The following PDE4D variants were observed in gnomAD, a reference collection of about 807,000 sequenced individuals.
The protein encoded by PDE4D is 3',5'-cyclic-AMP phosphodiesterase 4D.
Under a neutral mutation model 87.4 loss-of-function variants are expected in PDE4D, and 24 were observed. The ratio of observed to expected loss-of-function variants is 0.27; its 90% CI spans 0.20 to 0.39. The LOEUF (loss-of-function observed/expected upper bound fraction) is 0.39. PDE4D is among the 10% of genes least tolerant of loss of function. The pLI is 1.00. For synonymous variants in PDE4D, 384 were observed against 383.2 expected (o/e 1.00, Z -0.02); for missense variants, 714 against 1,041.0 (o/e 0.69, Z 4.32).
intron 1 of PDE4D, among the ~76,000 whole-genome samples, chr5:59,272,809 G>T (rs1472246758): frequency 6.6e-6 from 1 of 152,100 alleles, no homozygotes; most frequent in Non-Finnish European, 1.5e-5. Context: ...TTTAAAATGT[G>T]AATATCTCAT....
intron 1 of PDE4D, among the ~76,000 whole-genome samples, chr5:59,238,043 T>C (rs1756862582): frequency 6.6e-6 from 1 of 152,110 alleles, no homozygotes; most frequent in African/African-American, 2.4e-5. Flanking sequence ...TATATGATGA[T>C]AGTTAAGAAC....
At chr5:60,419,620 A>C (rs957076548) in intron 1 of PDE4D, among the ~76,000 whole-genome samples, 1 of 152,062 alleles carries the variant, frequency 6.6e-6, no homozygotes, top group Non-Finnish European at 1.5e-5. Flanking sequence ...AAATAAAATG[A>C]TTAGAATTAC....
intron 1 of PDE4D, among the ~76,000 whole-genome samples, chr5:60,512,238 T>G (rs1750609412): frequency 6.6e-6 from 1 of 152,228 alleles, no homozygotes; most frequent in African/African-American, 2.4e-5. Flanking sequence ...ATATGCTTTT[T>G]GCATTATTTT....
At chr5:60,125,811 C>T (rs1779080225) in intron 2 of PDE4D, among the ~76,000 whole-genome samples, 1 of 152,172 alleles carries the variant, frequency 6.6e-6, no homozygotes, top group African/African-American at 2.4e-5. Flanking sequence ...GCTCAATGCT[C>T]ACCTTATCTT....
chr5:60,388,526 C>T (rs1462363592), intron 1 of PDE4D, among the ~76,000 whole-genome samples: 2 of 152,188 alleles, frequency 1.3e-5, no homozygotes, highest in Admixed American at 6.5e-5. Context: ...TATTGTTCCC[C>T]TCTCTGTGTC....
intron 1 of PDE4D, among the ~76,000 whole-genome samples, chr5:59,494,009 G>T (rs1219763717): frequency 6.6e-6 from 1 of 152,170 alleles, no homozygotes; most frequent in Non-Finnish European, 1.5e-5. Context: ...ATGATAATAA[G>T]ATAAAAACAA....
intron 1 of PDE4D, among the ~76,000 whole-genome samples, chr5:59,347,958 T>C (rs1779875156): frequency 6.6e-6 from 1 of 152,174 alleles, no homozygotes; most frequent in Non-Finnish European, 1.5e-5. Flanking sequence ...AAGGTTTCCC[T>C]GGCTTCCCCA....
chr5:59,001,708 C>T (rs774944153), intron 6 of PDE4D, among the ~76,000 whole-genome samples: 3 of 152,168 alleles, frequency 2.0e-5, no homozygotes, highest in Non-Finnish European at 4.4e-5. Context: ...AACTTCAGTG[C>T]CATATTTCTG....
At chr5:59,394,083 A>G (rs1271388005) in intron 1 of PDE4D, among the ~76,000 whole-genome samples, 1 of 152,150 alleles carries the variant, frequency 6.6e-6, no homozygotes, top group African/African-American at 2.4e-5. Context: ...TAGTGATCTC[A>G]AGTGGTTCCC....
intron 1 of PDE4D, among the ~76,000 whole-genome samples, chr5:60,256,824 C>A (rs539220044): frequency 1.3e-5 from 2 of 151,888 alleles, no homozygotes; most frequent in Non-Finnish European, 2.9e-5. Context: ...AATGTATGTG[C>A]AAACATACTG....
chr5:59,616,075 C>T (rs1441647778), intron 1 of PDE4D, among the ~76,000 whole-genome samples: 3 of 151,830 alleles, frequency 2.0e-5, no homozygotes, highest in Middle Eastern at 3.4e-3. Context: ...CCCATTAACT[C>T]GTCATTTAAC....
chr5:60,345,270 G>A (rs1270429789), intron 1 of PDE4D, among the ~76,000 whole-genome samples: 1 of 151,972 alleles, frequency 6.6e-6, no homozygotes, highest in Middle Eastern at 3.4e-3. Context: ...CACAGGAAGG[G>A]GAACATCACA....
At chr5:60,389,740 G>A (rs1417919939) in intron 1 of PDE4D, among the ~76,000 whole-genome samples, 3 of 152,072 alleles carry the variant, frequency 2.0e-5, no homozygotes, top group African/African-American at 7.2e-5. Flanking sequence ...CATGTTGGCT[G>A]GGTTCTGGGA....
intron 1 of PDE4D, among the ~76,000 whole-genome samples, chr5:59,389,767 G>A (rs1787865592): frequency 6.6e-6 from 1 of 152,072 alleles, no homozygotes; most frequent in Non-Finnish European, 1.5e-5. Context: ...GACAGATATG[G>A]CATGTTGTCA....
intron 5 of PDE4D, among the ~76,000 whole-genome samples, chr5:59,123,324 C>T (rs1225388771): frequency 6.6e-6 from 1 of 152,154 alleles, no homozygotes; most frequent in Non-Finnish European, 1.5e-5. Flanking sequence ...GCATCTTCTT[C>T]TTTATTTAAT....
At chr5:59,614,063 C>T (rs1426057827) in intron 1 of PDE4D, among the ~76,000 whole-genome samples, 1 of 152,072 alleles carries the variant, frequency 6.6e-6, no homozygotes, top group Admixed American at 6.5e-5. Context: ...GGAAGCCATT[C>T]TCCATTCACA....
At chr5:59,999,188 C>T (rs1420646874) in intron 2 of PDE4D, among the ~76,000 whole-genome samples, 2 of 152,168 alleles carry the variant, frequency 1.3e-5, no homozygotes, top group African/African-American at 4.8e-5. Flanking sequence ...AGCTTGGTGT[C>T]ATCAGGAAAA....
intron 5 of PDE4D, among the ~76,000 whole-genome samples, chr5:59,100,524 C>T (rs1156918517): frequency 3.3e-5 from 5 of 152,140 alleles, no homozygotes; most frequent in African/African-American, 1.2e-4. Context: ...TTGAACATTA[C>T]TCTACACACA....
intron 1 of PDE4D, among the ~76,000 whole-genome samples, chr5:59,341,567 G>GT (rs989658677): frequency 6.6e-6 from 1 of 152,178 alleles, no homozygotes; most frequent in African/African-American, 2.4e-5. Context: ...AACACTGAAA[G>GT]TTTTTTAGAT....
Sources: allele counts gnomAD v4.1 joint callset (sites outside exome capture counted in the v4.1 genomes callset), GRCh38; gene constraint gnomAD v4.1.1; transcripts MANE v1.5; gene names NCBI Gene and HGNC (gene_info 2026-07-23, HGNC 2026-07-21).